GRAMD1B: variants seen among roughly 807,000 people sequenced by gnomAD.
GRAMD1B encodes the protein protein Aster-B.
In GRAMD1B, 37 loss-of-function variants were observed where a neutral mutation model predicts 99.7. That is an observed-to-expected ratio of 0.37 (90% confidence interval 0.29 to 0.49). The LOEUF (loss-of-function observed/expected upper bound fraction) is 0.49. Among genes scored for constraint, GRAMD1B ranks in the 20% least tolerant of loss-of-function variants. The pLI, the probability that GRAMD1B is intolerant of heterozygous loss-of-function variation, is 0.98. For missense variants in GRAMD1B, 888 were observed against 1,009.2 expected (o/e 0.88, Z 1.63); for synonymous variants, 427 against 387.6 (o/e 1.10, Z -1.19).
intron 6 of GRAMD1B, among the ~76,000 whole-genome samples, chr11:123,595,138 A>G (rs1393315821): frequency 6.6e-6 from 1 of 152,164 alleles, no homozygotes; most frequent in Non-Finnish European, 1.5e-5. Flanking sequence ...AGTCAAGTAG[A>G]AAGGGCTTTG....
At chr11:123,518,118 T>C (rs1941853000) in intron 2 of GRAMD1B, among the ~76,000 whole-genome samples, 1 of 152,218 alleles carries the variant, frequency 6.6e-6, no homozygotes, top group African/African-American at 2.4e-5. Flanking sequence ...CTCTCCTGGT[T>C]GTGGGGTTTC....
intron 2 of GRAMD1B, among the ~76,000 whole-genome samples, chr11:123,547,367 G>A (rs1384193693): frequency 1.3e-5 from 2 of 152,166 alleles, no homozygotes; most frequent in African/African-American, 4.8e-5. Context: ...ACCTGCTACT[G>A]GGCACTGTGC....
At chr11:123,594,308 C>CCAG in intron 5 of GRAMD1B, 142 bp downstream of exon 5, 1 of 668,400 alleles carries the variant, frequency 1.5e-6, no homozygotes, top group Non-Finnish European at 2.7e-6. Flanking sequence ...ACCCCTGGCC[C>CCAG]CAGCTGTCAG....
intron 1 of GRAMD1B, among the ~76,000 whole-genome samples, chr11:123,479,573 G>T (rs549942339): frequency 2.6e-5 from 4 of 152,028 alleles, no homozygotes; most frequent in Admixed American, 6.6e-5. Flanking sequence ...GTGAAGCAGG[G>T]GTTGGCCAAC....
intron 2 of GRAMD1B, among the ~76,000 whole-genome samples, chr11:123,567,956 C>T (rs1947579324): frequency 6.6e-6 from 1 of 152,240 alleles, no homozygotes; most frequent in Non-Finnish European, 1.5e-5. Flanking sequence ...CAACCAAAGT[C>T]AGTGCTCAGA....
chr11:123,612,922 G>A, intron 15 of GRAMD1B, 58 bp downstream of exon 15: 1 of 944,550 alleles, frequency 1.1e-6, no homozygotes, highest in South Asian at 1.4e-5. Context: ...CTGCACTGCG[G>A]CCGCCCACCA....
rs57734038 is a variant in GRAMD1B at position 123,479,631 on chromosome 11, G to A, written c.375-1185G>A. ...ATTAATAGAACCTATGTAAAACAGG[G>A]GTTGGCCAACTTTCTCTGTAAAGGG... is the stretch of plus-strand genomic sequence containing the variant. On this transcript the variant is annotated intron_variant, in intron 1 of 19. Transcript: ENST00000635736. Among the ~76,000 whole-genome samples the A allele has an allele frequency of 4.2e-3, 638 of 152,256 alleles. 6 individuals are homozygous for A. The East Asian group carries it at 0.046, about 11-fold the overall frequency.
At chr11:123,612,944 G>A (rs1204655098) in intron 15 of GRAMD1B, 80 bp downstream of exon 15, 1 of 779,310 alleles carries the variant, frequency 1.3e-6, no homozygotes, top group Non-Finnish European at 2.2e-6. Context: ...TCAGGGGAAT[G>A]GTATTGAGAA....
intron 2 of GRAMD1B, among the ~76,000 whole-genome samples, chr11:123,531,730 G>GTTTTTT (rs57528529): frequency 6.4e-5 from 5 of 78,086 alleles, no homozygotes; most frequent in Admixed American, 1.6e-4. Context: ...TTGCTAGATG[G>GTTTTTT]TTTTTTTTTT....
chr11:123,577,410 A>G lies in GRAMD1B; in HGVS notation c.496A>G (p.Ile166Val). The G allele has an allele frequency of 6.3e-7, 1 of 1,598,390 alleles. No homozygotes were observed. Among genetic ancestry groups the G allele is most frequent in the South Asian group, 1.1e-5 (1 of 88,076 alleles). ...CCGCAGCACGCCGGCCTGCTCGCCC[A>G]TCCTCCGGAAGCGGTCTCGCTCGCC... ...SNRSTPACSP[I>V]LRKRSRSPTP... Residue 166 changes from isoleucine to valine, a missense_variant, in exon 3 of 20, where the codon ATC becomes GTC. This residue lies in a region of GRAMD1B where 233 missense variants were observed against 154.6 expected (regional missense o/e 1.51). Coordinates refer to ENST00000635736, the MANE Select transcript of GRAMD1B (RefSeq NM_001387025.1).
At chr11:123,438,933 G>A (rs733352) in intron 1 of GRAMD1B, among the ~76,000 whole-genome samples, 56,846 of 152,134 alleles carry the variant, frequency 0.37, 11,688 homozygotes, top group East Asian at 0.71. Context: ...TTAGACCTGG[G>A]GCCAAGGCTG....
At chr11:123,583,278 CAT>C (rs901559891) in intron 3 of GRAMD1B, among the ~76,000 whole-genome samples, 25 of 137,804 alleles carry the variant, frequency 1.8e-4, no homozygotes, top group Admixed American at 5.2e-4. Context: ...TGTGTGTGTG[CAT>C]GTGTGTGTGG....
At chr11:123,362,564 A>G (rs1312047720) in intron 1 of GRAMD1B, among the ~76,000 whole-genome samples, 1 of 152,220 alleles carries the variant, frequency 6.6e-6, no homozygotes, top group African/African-American at 2.4e-5. Flanking sequence ...TGATTTATAC[A>G]AAAACACAAG....
intron 2 of GRAMD1B, among the ~76,000 whole-genome samples, chr11:123,535,179 G>A (rs1487483082): frequency 2.0e-5 from 3 of 151,764 alleles, no homozygotes; most frequent in Non-Finnish European, 2.9e-5. Context: ...GAGTACACAC[G>A]TTCTTAGTGT....
intron 17 of GRAMD1B, chr11:123,618,456 C>T: frequency 2.8e-6 from 3 of 1,068,074 alleles, no homozygotes; most frequent in Non-Finnish European, 4.4e-6. Flanking sequence ...CTATGCATCT[C>T]TCCTTTCTAG....
intron 1 of GRAMD1B, among the ~76,000 whole-genome samples, chr11:123,359,775 A>G (rs1468479765): frequency 6.6e-6 from 1 of 152,154 alleles, no homozygotes; most frequent in Non-Finnish European, 1.5e-5. Flanking sequence ...AAAGGCTTGT[A>G]AAAAATAATA....
At chr11:123,508,322 GATAA>G (rs1940636754) in intron 2 of GRAMD1B, among the ~76,000 whole-genome samples, 1 of 152,070 alleles carries the variant, frequency 6.6e-6, no homozygotes, top group Non-Finnish European at 1.5e-5. Context: ...CCACTCTTAT[GATAA>G]CTAACTTATT....
intron 1 of GRAMD1B, among the ~76,000 whole-genome samples, chr11:123,457,765 G>A (rs1950225979): frequency 6.6e-6 from 1 of 152,150 alleles, no homozygotes; most frequent in African/African-American, 2.4e-5. Context: ...CGCCTGGGCT[G>A]GAGTGCGCTG....
In GRAMD1B at chr11:123,381,081, C is replaced by T. The variant is rs1023786732; in HGVS notation, c.-176+22282C>T. On this transcript the variant is annotated intron_variant, in intron 1 of 20. Coordinates refer to the GRAMD1B transcript ENST00000638157. ...GATTCTTGAATAGAGGTGAGATACA[C>T]AAGCTTTGCTCATTTCTGAGGGGCT... Among the ~76,000 whole-genome samples, 4 of 152,128 alleles carry T rather than the reference C, an allele frequency of 2.6e-5. No homozygotes were observed. In the East Asian group the frequency reaches 7.7e-4, roughly 29 times the overall value.
Sources: allele counts gnomAD v4.1 joint callset (sites outside exome capture counted in the v4.1 genomes callset), GRCh38; gene constraint gnomAD v4.1.1; regional missense constraint gnomAD v4.1.1; transcripts MANE v1.5; gene names NCBI Gene and HGNC (gene_info 2026-07-23, HGNC 2026-07-21).